CSMD1: variants seen among roughly 807,000 people sequenced by gnomAD.
The protein encoded by CSMD1 is CUB and sushi domain-containing protein 1.
A neutral mutation model predicts 417.5 loss-of-function variants in CSMD1; 213 were observed. The observed-to-expected ratio is 0.51, with a 90% CI of 0.46 to 0.57. The LOEUF is 0.57. CSMD1 is among the 20% of genes least tolerant of loss of function. CSMD1 has a pLI of 0.00. For missense variants in CSMD1, 6,923 were observed against 4,529.7 expected (o/e 1.53, Z -15.17); for synonymous variants, 2,862 against 1,736.8 (o/e 1.65, Z -16.11).
intron 1 of CSMD1, among the ~76,000 whole-genome samples, chr8:4,914,004 T>C (rs1805876497): frequency 6.6e-6 from 1 of 152,202 alleles, no homozygotes; most frequent in Non-Finnish European, 1.5e-5. Context: ...ATTTCACATA[T>C]AAGGTGTGAT....
chr8:3,507,175 G>A (rs898118285), intron 10 of CSMD1, among the ~76,000 whole-genome samples: 4 of 152,060 alleles, frequency 2.6e-5, no homozygotes, highest in African/African-American at 9.7e-5. Flanking sequence ...GGTTTAGAGG[G>A]GAACTCAATT....
intron 3 of CSMD1, among the ~76,000 whole-genome samples, chr8:4,235,979 C>T (rs1184923699): frequency 6.7e-6 from 1 of 148,564 alleles, no homozygotes; most frequent in Non-Finnish European, 1.5e-5. Context: ...AGCTACCTAG[C>T]AAGTGATTCG....
At chr8:4,613,574 T>C (rs984246592) in intron 2 of CSMD1, among the ~76,000 whole-genome samples, 17 of 152,218 alleles carry the variant, frequency 1.1e-4, no homozygotes, top group African/African-American at 4.1e-4. Context: ...AGTTAAGTGA[T>C]GGCTGAGCAG....
rs1373915246 is a variant in CSMD1, at chr8:3,136,253, T to C, written c.6241+6212A>G. Among the ~76,000 whole-genome samples, 21 of 150,764 alleles carry C rather than the reference T, an allele frequency of 1.4e-4. 1 individual carries two copies. Among genetic ancestry groups the C allele is most frequent in the Admixed American group, 1.3e-3 (20 of 15,156 alleles). On this transcript the variant is annotated intron_variant, in intron 41 of 69. Coordinates refer to ENST00000635120, the MANE Select transcript of CSMD1 (RefSeq NM_033225.6). ...AGAGGACAACCAAGCCTTTTTTTTT[T>C]CTTTTTTTTTTTTTGCCCCCCGAGA...
In CSMD1 at chr8:4,206,370, G is replaced by C. The variant is rs572770288; in HGVS notation, c.416-174271C>G. ...TCCCCCCAACCCACCACAGGCCCCG[G>C]TATGTCATATTCCCCACCCTGTCTC... On this transcript the variant is annotated intron_variant, in intron 3 of 69. Transcript: ENST00000635120. Among the ~76,000 whole-genome samples, 4 of 152,122 alleles carry C rather than the reference G, an allele frequency of 2.6e-5. No homozygotes were observed. The South Asian group carries it at 6.2e-4, about 24-fold the overall frequency.
At chr8:3,228,659 C>T (rs1217745758) in intron 27 of CSMD1, among the ~76,000 whole-genome samples, 2 of 151,932 alleles carry the variant, frequency 1.3e-5, no homozygotes, top group Admixed American at 1.3e-4. Context: ...AGGAGATGGC[C>T]AACTTTTATA....
chr8:3,771,024 G>GTGTC (rs1554430241), intron 5 of CSMD1, among the ~76,000 whole-genome samples: 1 of 151,672 alleles, frequency 6.6e-6, no homozygotes, highest in Non-Finnish European at 1.5e-5. Flanking sequence ...GTGTCTGTGT[G>GTGTC]TGTGTCTGCG....
At chr8:4,579,268 CAT>C (rs112909415) in intron 2 of CSMD1, among the ~76,000 whole-genome samples, 17,603 of 149,314 alleles carry the variant, frequency 0.12, 1,283 homozygotes, top group Non-Finnish European at 0.15. Context: ...CATATATATA[CAT>C]ATATATATGT....
At position 4,586,586 on chromosome 8, in the gene CSMD1, A is replaced by G. The variant is rs185795621; in HGVS notation, c.302+50756T>C. 9.9e-5 allele frequency among the ~76,000 whole-genome samples: 15 copies of G among 152,062 alleles called. No homozygotes were observed. The East Asian group carries it at 2.5e-3, about 25-fold the overall frequency. On this transcript the variant is annotated intron_variant, in intron 2 of 69. Transcript: ENST00000635120. The stretch of plus-strand genomic sequence containing the variant: ...TTTTTAGCATTTTTTTTGATGCTTT[A>G]TTTTCTCTAGGACTTTTGGATAAAC...
chr8:4,375,655 A>G (rs1201700735), intron 3 of CSMD1, among the ~76,000 whole-genome samples: 1 of 152,068 alleles, frequency 6.6e-6, no homozygotes, highest in Admixed American at 6.5e-5. Flanking sequence ...CGGCTGGTGG[A>G]AGGATAAGGG....
chr8:3,001,199 T>C (rs1807380536), intron 52 of CSMD1, among the ~76,000 whole-genome samples: 1 of 152,128 alleles, frequency 6.6e-6, no homozygotes, highest in Admixed American at 6.5e-5. Context: ...TCTCATTATG[T>C]TGTTCAGGCT....
chr8:4,882,088 C>T (rs966196694), intron 1 of CSMD1, among the ~76,000 whole-genome samples: 1 of 151,938 alleles, frequency 6.6e-6, no homozygotes, highest in Admixed American at 6.6e-5. Flanking sequence ...ATAATAAGCC[C>T]TCATTTAACC....
At chr8:3,452,159 C>G (rs62505629) in intron 12 of CSMD1, among the ~76,000 whole-genome samples, 1 of 152,076 alleles carries the variant, frequency 6.6e-6, no homozygotes, top group Non-Finnish European at 1.5e-5. Flanking sequence ...TTTTTGCACA[C>G]TGATTTTGTA....
chr8:4,103,621 T>TAG (rs778908601), intron 3 of CSMD1, among the ~76,000 whole-genome samples: 9 of 152,174 alleles, frequency 5.9e-5, no homozygotes, highest in Non-Finnish European at 1.0e-4. Flanking sequence ...AACACTTGTG[T>TAG]AGTCTTAAGG....
At chr8:4,128,605 A>G (rs1259136532) in intron 3 of CSMD1, among the ~76,000 whole-genome samples, 1 of 152,182 alleles carries the variant, frequency 6.6e-6, no homozygotes, top group African/African-American at 2.4e-5. Flanking sequence ...CCATTGTTAC[A>G]AAGCCCATGC....
chr8:2,980,877 C>A (rs1288931381), intron 54 of CSMD1, among the ~76,000 whole-genome samples: 1 of 152,104 alleles, frequency 6.6e-6, no homozygotes, highest in Non-Finnish European at 1.5e-5. Flanking sequence ...AGTTCACTAC[C>A]CTTAAAATAT....
At chr8:4,336,456 T>C (rs968666227) in intron 3 of CSMD1, among the ~76,000 whole-genome samples, 3 of 152,118 alleles carry the variant, frequency 2.0e-5, no homozygotes, top group African/African-American at 7.2e-5. Flanking sequence ...ATCTGTGCTA[T>C]GTGTAGATGT....
chr8:4,848,780 G>A (rs992202082), intron 1 of CSMD1, among the ~76,000 whole-genome samples: 4 of 152,308 alleles, frequency 2.6e-5, no homozygotes, highest in Admixed American at 6.5e-5. Context: ...CTGACCTCAG[G>A]TGATTCGGCC....
chr8:3,159,505 C>G (rs539385027), intron 38 of CSMD1, among the ~76,000 whole-genome samples: 2 of 152,224 alleles, frequency 1.3e-5, no homozygotes, highest in African/African-American at 4.8e-5. Flanking sequence ...TTTATAGACA[C>G]TCACGTGTGA....
Sources: gnomAD v4.1 joint callset for allele counts (sites outside exome capture counted in the v4.1 genomes callset) on GRCh38, gnomAD v4.1.1 for gene constraint, MANE v1.5 for transcripts, NCBI Gene and HGNC (gene_info 2026-07-23, HGNC 2026-07-21) for gene names.